Variants in DYNC2H1 observed in about 807,000 individuals in gnomAD.
The protein encoded by DYNC2H1 is dynein cytoplasmic 2 heavy chain 1.
Under a neutral mutation model 570.0 loss-of-function variants are expected in DYNC2H1, and 410 were observed. The ratio of observed to expected loss-of-function variants is 0.72; its 90% CI spans 0.66 to 0.78. The LOEUF (loss-of-function observed/expected upper bound fraction) is 0.78, where lower values mean the gene tolerates loss of function less well. DYNC2H1 is among the 30% of genes least tolerant of loss of function. The pLI, the probability that DYNC2H1 is intolerant of heterozygous loss-of-function variation, is 0.00. For synonymous variants in DYNC2H1, 1,688 were observed against 1,677.6 expected (o/e 1.01, Z -0.15); for missense variants, 4,865 against 5,046.4 (o/e 0.96, Z 1.09).
intron 74 of DYNC2H1, 31 bp downstream of exon 74, chr11:103,286,417 A>C (rs1316750694): frequency 6.2e-7 from 1 of 1,602,456 alleles, no homozygotes; most frequent in African/African-American, 1.3e-5. Flanking sequence ...AATGCAAAAA[A>C]GTGTTTAATG....
rs897769568 is a variant in DYNC2H1, at chr11:103,182,954, T to C, written c.6477+1068T>C. Among the ~76,000 whole-genome samples the C allele has an allele frequency of 4.0e-5, 6 of 151,868 alleles. No individual in the cohort carries two copies. The Admixed American group carries it at 4.0e-4, about 10-fold the overall frequency. On this transcript the variant is annotated intron_variant, in intron 40 of 88. Transcript: ENST00000375735. ...GATAGCGATGCAAGTGAGGTGGGTT[T>C]TCCTGGAGGCCTAGGAAAGGGAACA...
chr11:103,166,078 G>T, intron 31 of DYNC2H1, 30 bp downstream of exon 31: 1 of 1,460,620 alleles, frequency 6.8e-7, no homozygotes, highest in African/African-American at 1.4e-5. Flanking sequence ...TTTTCTGCCT[G>T]GTTTTGGGTT....
intron 78 of DYNC2H1, among the ~76,000 whole-genome samples, chr11:103,310,101 C>T (rs1391224219): frequency 6.6e-6 from 1 of 151,910 alleles, no homozygotes; most frequent in Non-Finnish European, 1.5e-5. Flanking sequence ...GTTAAATTCA[C>T]TTCATTATTT....
intron 85 of DYNC2H1, among the ~76,000 whole-genome samples, chr11:103,445,887 C>T (rs1419535697): frequency 1.3e-5 from 2 of 152,062 alleles, no homozygotes; most frequent in East Asian, 3.9e-4. Context: ...CTCCTGACCT[C>T]GTGATCCGCC....
intron 83 of DYNC2H1, among the ~76,000 whole-genome samples, chr11:103,387,089 A>G (rs1172502685): frequency 4.6e-5 from 7 of 152,224 alleles, no homozygotes; most frequent in African/African-American, 1.2e-4. Context: ...GACTTCCACA[A>G]TGGTTGAACT....
intron 86 of DYNC2H1, 84 bp from the exon 87 acceptor site, chr11:103,456,191 A>G: frequency 1.0e-6 from 1 of 993,800 alleles, no homozygotes; most frequent in Non-Finnish European, 1.5e-6. Context: ...AATTTTAAAT[A>G]AATAGGACTA....
intron 65 of DYNC2H1, among the ~76,000 whole-genome samples, chr11:103,246,803 CA>C (rs1310594511): frequency 6.6e-6 from 1 of 152,054 alleles, no homozygotes; most frequent in East Asian, 1.9e-4. Flanking sequence ...AAGTTTGTGC[CA>C]AGTTTGTTTA....
rs191173448 is a variant in DYNC2H1, at chr11:103,472,448, G to A, written c.12765+3743G>A. 6.6e-6 allele frequency among the ~76,000 whole-genome samples: 1 copy of A among 152,276 alleles called. No homozygotes were observed. The highest frequency in any genetic ancestry group is 6.5e-5 in the Admixed American group (1 of 15,288). ...TCAGATTTGTAGTTTTAGAAAATCGGTCTAGCAGTGAGTGGTTGGATAATA... is the reference window on the plus strand; with the variant it reads ...TCAGATTTGTAGTTTTAGAAAATCGATCTAGCAGTGAGTGGTTGGATAATA... On this transcript the variant is annotated intron_variant, in intron 88 of 88. Coordinates refer to ENST00000375735, the MANE Select transcript of DYNC2H1 (RefSeq NM_001377.3). This position sits in a 1 kb window ranked among gnomAD's most constrained non-coding sequence, Gnocchi z 4.1.
chr11:103,245,111 G>A lies in DYNC2H1; in HGVS notation c.9919-140G>A. ...CAGAGTAGGGTTCTTATTAATACTT[G>A]GGTGAGTAATTTATTACCTATAGAA... On this transcript the variant is annotated intron_variant, in intron 64 of 88. Coordinates refer to ENST00000375735, the MANE Select transcript of DYNC2H1 (RefSeq NM_001377.3). This position sits in a 1 kb window ranked among gnomAD's most constrained non-coding sequence, Gnocchi z 4.5. 1 of 656,128 alleles carries A rather than the reference G, an allele frequency of 1.5e-6. No individual in the cohort carries two copies. The highest frequency in any genetic ancestry group is 2.5e-5 in the South Asian group (1 of 39,726). The allele number at this position is 656,128 out of a possible 1,614,324, so 40.6% of individuals were successfully genotyped here.
rs2135043318 is a variant in DYNC2H1 at position 103,189,825 on chromosome 11, G to A, written c.7437+9G>A. The A allele has an allele frequency of 3.2e-6, 5 of 1,583,364 alleles. No individual in the cohort carries two copies. In the South Asian group the frequency reaches 5.8e-5, roughly 19 times the overall value. Reference sequence around the variant, plus strand: ...TACAAGTGTATGAACAGGTAGATATGCATCTAAATTGTAGCTTTCATGTCT... The same window carrying A: ...TACAAGTGTATGAACAGGTAGATATACATCTAAATTGTAGCTTTCATGTCT... On this transcript the variant is annotated intron_variant, in intron 45 of 88. Transcript: ENST00000375735. This position sits in a 1 kb window ranked among gnomAD's most constrained non-coding sequence, Gnocchi z 4.3.
chr11:103,371,866 T>A (rs72981435), intron 83 of DYNC2H1, among the ~76,000 whole-genome samples: 3,845 of 151,466 alleles, frequency 0.025, 65 homozygotes, highest in Non-Finnish European at 0.039. Flanking sequence ...TAGAGTTTTC[T>A]GTATATAAGA....
intron 83 of DYNC2H1, among the ~76,000 whole-genome samples, chr11:103,386,754 GT>G (rs960529615): frequency 1.1e-4 from 17 of 151,980 alleles, no homozygotes; most frequent in Non-Finnish European, 2.1e-4. Flanking sequence ...TGTGGTGTTT[GT>G]TTTTTTGTCC....
chr11:103,390,729 A>G (rs1942109758), intron 83 of DYNC2H1, among the ~76,000 whole-genome samples: 1 of 152,098 alleles, frequency 6.6e-6, no homozygotes, highest in Non-Finnish European at 1.5e-5. Context: ...CTTGTCTATA[A>G]AGTATTTTAT....
At position 103,129,032 on chromosome 11, in the gene DYNC2H1, A is replaced by G. The variant is rs1859136366; in HGVS notation, c.1953+27A>G. The G allele has an allele frequency of 2.6e-6, 4 of 1,547,704 alleles. No homozygotes were observed. Among genetic ancestry groups the G allele is most frequent in the African/African-American group, 2.7e-5 (2 of 73,082 alleles). The stretch of plus-strand genomic sequence containing the variant: ...TAAATGGGCTTTTAATTTTATTATA[A>G]TTAGATTTTACATGTGAAGTGTTTA... On this transcript the variant is annotated intron_variant, in intron 13 of 88. Transcript: ENST00000375735. The surrounding 1 kb of genome is among the most constrained non-coding windows in gnomAD (Gnocchi z 4.1).
rs1316894245 is a variant in DYNC2H1 at position 103,268,200 on chromosome 11, C to T, written c.10695+8223C>T. 6.6e-6 allele frequency among the ~76,000 whole-genome samples: 1 copy of T among 151,986 alleles called. No individual in the cohort carries two copies. Among genetic ancestry groups the T allele is most frequent in the Non-Finnish European group, 1.5e-5 (1 of 67,916 alleles). ...AGCTTTTTACCAGTTAATATCTCTA[C>T]CCACATAATAATAAAGGTATATCTT... On this transcript the variant is annotated intron_variant, in intron 70 of 88. Transcript: ENST00000375735. The surrounding 1 kb of genome is among the most constrained non-coding windows in gnomAD (Gnocchi z 4.6).
At chr11:103,154,385 A>C in intron 22 of DYNC2H1, 66 bp from the exon 23 acceptor site, 1 of 1,369,368 alleles carries the variant, frequency 7.3e-7, no homozygotes, top group East Asian at 2.6e-5. Context: ...TAAGTAACTT[A>C]ATGATACTTA....
Position 103,201,526 on chromosome 11 carries a change from C to A in DYNC2H1, c.8197+1372C>A, listed in dbSNP as rs1862719384. ...CAACAACAACAACTAAAAACGAATT[C>A]TTTGCTACTACCCTAAATCCATTGA... On this transcript the variant is annotated intron_variant, in intron 50 of 88. Coordinates refer to ENST00000375735, the MANE Select transcript of DYNC2H1 (RefSeq NM_001377.3). This position sits in a 1 kb window ranked among gnomAD's most constrained non-coding sequence, Gnocchi z 4.8. Among the ~76,000 whole-genome samples, 1 of 152,130 alleles carries A rather than the reference C, an allele frequency of 6.6e-6. No homozygotes were observed. Among genetic ancestry groups the A allele is most frequent in the Admixed American group, 6.6e-5 (1 of 15,262 alleles).
At chr11:103,368,781 C>T (rs1006101570) in intron 83 of DYNC2H1, among the ~76,000 whole-genome samples, 1 of 152,044 alleles carries the variant, frequency 6.6e-6, no homozygotes, top group African/African-American at 2.4e-5. Flanking sequence ...GGTCTAGTCT[C>T]ATTCTTCTGC....
At position 103,141,850 on chromosome 11, in the gene DYNC2H1, G is replaced by C. The variant is rs184455208; in HGVS notation, c.2575-1418G>C. On this transcript the variant is annotated intron_variant, in intron 17 of 88. Transcript: ENST00000375735. ...GGCAGGCAGGCCTCCTTGAGCTGTG[G>C]TGGGCTCCACCCAGTTCGAGCTTCC... Among the ~76,000 whole-genome samples, 1,133 of 152,362 alleles carry C rather than the reference G, an allele frequency of 7.4e-3. 11 individuals carry two copies. Among genetic ancestry groups the C allele is most frequent in the African/African-American group, 0.025 (1,054 of 41,596 alleles).
Sources: gnomAD v4.1 joint callset for allele counts (sites outside exome capture counted in the v4.1 genomes callset) on GRCh38, gnomAD v4.1.1 for gene constraint, Gnocchi (gnomAD v3.1) non-coding constraint, MANE v1.5 for transcripts, NCBI Gene and HGNC (gene_info 2026-07-23, HGNC 2026-07-21) for gene names.